The following PTPRD variants were observed in gnomAD, a reference collection of about 807,000 sequenced individuals.
PTPRD encodes protein tyrosine phosphatase receptor type D, also known as receptor-type tyrosine-protein phosphatase delta.
A neutral mutation model predicts 214.5 loss-of-function variants in PTPRD; 34 were observed. The observed-to-expected ratio is 0.16, with a 90% CI of 0.12 to 0.21. PTPRD has a LOEUF of 0.21. Among genes scored for constraint, PTPRD ranks in the 10% least tolerant of loss-of-function variants. PTPRD has a pLI of 1.00. For missense variants in PTPRD, 2,545 were observed against 2,398.7 expected (o/e 1.06, Z -1.27); for synonymous variants, 1,128 against 845.7 (o/e 1.33, Z -5.79).
At chr9:10,026,816 G>T (rs921739227) in intron 4 of PTPRD, among the ~76,000 whole-genome samples, 1 of 151,450 alleles carries the variant, frequency 6.6e-6, no homozygotes, top group Admixed American at 6.6e-5. Context: ...TCAGAAAAAG[G>T]AAGTTGCGGT....
chr9:8,772,614 G>C (rs369052029), intron 11 of PTPRD, among the ~76,000 whole-genome samples: 13 of 152,178 alleles, frequency 8.5e-5, no homozygotes, highest in East Asian at 7.7e-4. Flanking sequence ...CTGCAATCCA[G>C]CCTGGGCAAT....
At chr9:9,202,382 T>A (rs117908879) in intron 9 of PTPRD, among the ~76,000 whole-genome samples, 1 of 152,184 alleles carries the variant, frequency 6.6e-6, no homozygotes, top group Non-Finnish European at 1.5e-5. Context: ...CTTTTGGACA[T>A]TTTTCTTATC....
chr9:10,096,620 T>C (rs1446771943), intron 3 of PTPRD, among the ~76,000 whole-genome samples: 1 of 152,044 alleles, frequency 6.6e-6, no homozygotes, highest in East Asian at 1.9e-4. Context: ...TTTGAATTCA[T>C]GGTAGATTCT....
At chr9:9,095,433 G>C (rs1048419955) in intron 10 of PTPRD, among the ~76,000 whole-genome samples, 1 of 152,170 alleles carries the variant, frequency 6.6e-6, no homozygotes, top group Non-Finnish European at 1.5e-5. Context: ...ATGTATTTCA[G>C]TTGTTTCAAT....
chr9:8,808,317 G>A (rs886193731), intron 11 of PTPRD, among the ~76,000 whole-genome samples: 4 of 152,098 alleles, frequency 2.6e-5, no homozygotes, highest in South Asian at 2.1e-4. Context: ...ATCCTACTCC[G>A]TGCAGACACT....
intron 3 of PTPRD, among the ~76,000 whole-genome samples, chr9:10,036,318 C>G (rs140277474): frequency 2.0e-5 from 3 of 152,038 alleles, no homozygotes; most frequent in Non-Finnish European, 2.9e-5. Context: ...ATGTGTTACC[C>G]GCATGCTTAA....
intron 4 of PTPRD, among the ~76,000 whole-genome samples, chr9:10,014,987 G>C (rs1483695293): frequency 3.3e-5 from 5 of 152,032 alleles, no homozygotes; most frequent in African/African-American, 9.7e-5. Flanking sequence ...TCTGTAAATG[G>C]TAATAGCCAC....
intron 3 of PTPRD, among the ~76,000 whole-genome samples, chr9:10,263,301 G>C (rs1478642521): frequency 6.6e-6 from 1 of 152,146 alleles, no homozygotes; most frequent in Non-Finnish European, 1.5e-5. Flanking sequence ...CTCAGAAGAA[G>C]ACAGGAGTAT....
At chr9:9,385,606 G>T (rs1025834658) in intron 9 of PTPRD, among the ~76,000 whole-genome samples, 1 of 152,146 alleles carries the variant, frequency 6.6e-6, no homozygotes, top group African/African-American at 2.4e-5. Flanking sequence ...ATGGCTATGT[G>T]CATGCTTGTG....
intron 14 of PTPRD, among the ~76,000 whole-genome samples, chr9:8,625,578 T>C (rs1352634717): frequency 6.6e-6 from 1 of 151,620 alleles, no homozygotes; most frequent in African/African-American, 2.4e-5. Flanking sequence ...CAAACTATGA[T>C]CAAATTTTCA....
chr9:10,346,537 T>C (rs1483097429), intron 2 of PTPRD, among the ~76,000 whole-genome samples: 1 of 152,240 alleles, frequency 6.6e-6, no homozygotes, highest in Non-Finnish European at 1.5e-5. Context: ...TGTTTTATTC[T>C]AAACTGCAAG....
intron 3 of PTPRD, among the ~76,000 whole-genome samples, chr9:10,163,128 C>G (rs2099139272): frequency 1.4e-5 from 2 of 148,086 alleles, no homozygotes; most frequent in South Asian, 4.2e-4. Flanking sequence ...TTAAATAACC[C>G]TTATTCTACT....
chr9:9,882,822 G>C (rs1245447077), intron 5 of PTPRD, among the ~76,000 whole-genome samples: 3 of 152,054 alleles, frequency 2.0e-5, no homozygotes, highest in Non-Finnish European at 4.4e-5. Context: ...GTTGGAAGTG[G>C]GGGCCTAATG....
chr9:10,460,004 T>C (rs1588657310), intron 2 of PTPRD, among the ~76,000 whole-genome samples: 1 of 152,080 alleles, frequency 6.6e-6, no homozygotes, highest in Admixed American at 6.6e-5. Flanking sequence ...TTAAGTGGCA[T>C]TAAATACATT....
At chr9:9,329,018 TTTTC>T (rs2041266647) in intron 9 of PTPRD, among the ~76,000 whole-genome samples, 1 of 152,056 alleles carries the variant, frequency 6.6e-6, no homozygotes. Flanking sequence ...AGAACACTTT[TTTTC>T]TTTCTTTATC....
At chr9:8,741,366 C>T (rs2091878883) in intron 11 of PTPRD, among the ~76,000 whole-genome samples, 2 of 151,958 alleles carry the variant, frequency 1.3e-5, no homozygotes, top group South Asian at 4.1e-4. Flanking sequence ...TATGTGATGC[C>T]AGTAGAAACT....
intron 2 of PTPRD, among the ~76,000 whole-genome samples, chr9:10,537,140 T>C (rs1158061597): frequency 3.3e-5 from 5 of 152,280 alleles, no homozygotes; most frequent in Admixed American, 2.6e-4. Context: ...TAAAGATGCA[T>C]GGCGAGATCT....
intron 10 of PTPRD, among the ~76,000 whole-genome samples, chr9:9,138,373 A>G (rs1470487685): frequency 6.6e-6 from 1 of 152,134 alleles, no homozygotes; most frequent in Non-Finnish European, 1.5e-5. Context: ...AATGACTGTT[A>G]TGTACAATTA....
chr9:10,090,434 A>G (rs16931047), intron 3 of PTPRD, among the ~76,000 whole-genome samples: 9,315 of 151,420 alleles, frequency 0.062, 942 homozygotes, highest in African/African-American at 0.21. Context: ...CAATTCTTAA[A>G]GGGCAAAATC....
Sources: allele counts gnomAD v4.1 joint callset (sites outside exome capture counted in the v4.1 genomes callset), GRCh38; gene constraint gnomAD v4.1.1; transcripts MANE v1.5; gene names NCBI Gene and HGNC (gene_info 2026-07-23, HGNC 2026-07-21).